NBEA: variants seen among roughly 807,000 people sequenced by gnomAD.
NBEA encodes the protein lysosomal-trafficking regulator 2.
In NBEA, 44 loss-of-function variants were observed where a neutral mutation model predicts 343.4. The observed-to-expected ratio is 0.13, with a 90% CI of 0.10 to 0.16. The LOEUF (loss-of-function observed/expected upper bound fraction) is 0.16, where lower values mean the gene tolerates loss of function less well. NBEA is among the 10% of genes least tolerant of loss of function. NBEA has a pLI of 1.00. For synonymous variants in NBEA, 1,175 were observed against 1,238.7 expected (o/e 0.95, Z 1.08); for missense variants, 2,555 against 3,631.3 (o/e 0.70, Z 7.62).
chr13:35,537,213 T>A (rs2078600280), intron 41 of NBEA, among the ~76,000 whole-genome samples: 1 of 152,160 alleles, frequency 6.6e-6, no homozygotes, highest in Non-Finnish European at 1.5e-5. Flanking sequence ...TCTGTCTCCC[T>A]CAATCATAGA....
At chr13:35,426,888 A>AT (rs1433505813) in intron 38 of NBEA, among the ~76,000 whole-genome samples, 2 of 151,836 alleles carry the variant, frequency 1.3e-5, no homozygotes, top group African/African-American at 4.8e-5. Flanking sequence ...CATTTCATTC[A>AT]TTTTATCTTC....
chr13:35,478,687 G>T (rs1476834591), intron 41 of NBEA, among the ~76,000 whole-genome samples: 1 of 152,324 alleles, frequency 6.6e-6, no homozygotes, highest in Admixed American at 6.5e-5. Context: ...CCCTCAGCCT[G>T]CACCGCCCAC....
rs761704798 is a variant in NBEA at position 35,668,427 on chromosome 13, A to G, written c.8721A>G (p.Val2907=). 23 of 1,613,458 alleles carry G rather than the reference A, an allele frequency of 1.4e-5. No individual in the cohort carries two copies. The South Asian group carries it at 2.5e-4, about 18-fold the overall frequency. Residue 2907 remains valine, a synonymous_variant, in exon 58 of 59, where the codon GTA becomes GTG. Coordinates refer to ENST00000379939, the MANE Select transcript of NBEA (RefSeq NM_001385012.1). ...TCACCGGAGGGGACAATGGGGTAGT[A>G]GAGGTCTGGCAGGCCTGTGACTTCA... ...NLVTGGDNGV[V]EVWQACDFKQ...
chr13:35,356,273 G>A (rs2040486343), intron 38 of NBEA, among the ~76,000 whole-genome samples: 1 of 152,080 alleles, frequency 6.6e-6, no homozygotes, highest in South Asian at 2.1e-4. Flanking sequence ...TAAAACAGGT[G>A]TTCACAAATC....
At chr13:34,992,234 GTGTGTATATA>G (rs2060782404) in intron 1 of NBEA, among the ~76,000 whole-genome samples, 1 of 110,258 alleles carries the variant, frequency 9.1e-6, no homozygotes, top group African/African-American at 3.1e-5. Flanking sequence ...GTGTGTGTGT[GTGTGTATATA>G]TATATATATA....
chr13:35,444,083 T>G (rs1156613387), intron 39 of NBEA, among the ~76,000 whole-genome samples: 1 of 151,978 alleles, frequency 6.6e-6, no homozygotes, highest in African/African-American at 2.4e-5. Flanking sequence ...TACTTTTATC[T>G]CACAGATACA....
At chr13:35,641,924 GAATA>G (rs1352805210) in intron 49 of NBEA, among the ~76,000 whole-genome samples, 6 of 151,948 alleles carry the variant, frequency 3.9e-5, no homozygotes, top group Admixed American at 6.6e-5. Context: ...TGAGTAATTT[GAATA>G]AATAAATAAA....
At chr13:35,635,279 C>T (rs989098241) in intron 49 of NBEA, among the ~76,000 whole-genome samples, 6 of 152,104 alleles carry the variant, frequency 3.9e-5, no homozygotes, top group African/African-American at 1.4e-4. Context: ...ACCACCTGCC[C>T]GATCTGCGTG....
chr13:34,964,696 T>TTTGC (rs1362930125), intron 1 of NBEA, among the ~76,000 whole-genome samples: 1 of 152,046 alleles, frequency 6.6e-6, no homozygotes, highest in East Asian at 1.9e-4. Context: ...CTATTTGTGT[T>TTTGC]TTGCTAAGTG....
intron 38 of NBEA, among the ~76,000 whole-genome samples, chr13:35,365,599 T>C (rs959371527): frequency 1.3e-5 from 2 of 151,710 alleles, no homozygotes; most frequent in South Asian, 2.1e-4. Flanking sequence ...GGAACATTAT[T>C]AGGCTAGTGA....
Position 35,142,250 on chromosome 13 carries a change from T to C in NBEA, c.2337-19T>C, listed in dbSNP as rs1324526405. 1 of 1,547,054 alleles carries C rather than the reference T, an allele frequency of 6.5e-7. No homozygotes were observed. The highest frequency in any genetic ancestry group is 8.9e-7 in the Non-Finnish European group (1 of 1,122,426). On this transcript the variant is annotated intron_variant, in intron 17 of 58. Coordinates refer to ENST00000379939, the MANE Select transcript of NBEA (RefSeq NM_001385012.1). ...TCCAATGTGTTTCATGGTGTTTTAT[T>C]TTTCCTCCTTCTCTCCAGGAGAAAA... is the stretch of plus-strand genomic sequence containing the variant.
chr13:35,539,194 A>G (rs1432541470), intron 41 of NBEA, among the ~76,000 whole-genome samples: 1 of 152,208 alleles, frequency 6.6e-6, no homozygotes, highest in Non-Finnish European at 1.5e-5. Flanking sequence ...GGAGACACCA[A>G]GAAGTCAACC....
At chr13:35,154,776 T>C (rs1211097096) in intron 18 of NBEA, among the ~76,000 whole-genome samples, 1 of 152,158 alleles carries the variant, frequency 6.6e-6, no homozygotes, top group African/African-American at 2.4e-5. Flanking sequence ...TTTAAAAAAC[T>C]CATTAGTAAA....
chr13:35,291,626 T>C (rs1424582044), intron 35 of NBEA, among the ~76,000 whole-genome samples: 11 of 151,958 alleles, frequency 7.2e-5, no homozygotes, highest in Non-Finnish European at 1.6e-4. Context: ...TGCACAGTTC[T>C]GTAAAATGCG....
chr13:35,118,421 G>T lies in NBEA; in HGVS notation c.2190G>T (p.Met730Ile). Reference protein sequence around the residue: ...HDVLQLLVALMSEHPASMIPA... With the variant: ...HDVLQLLVALISEHPASMIPA... Reference sequence around the variant, plus strand: ...TGCTACAGTTACTGGTGGCTTTAATGTCGGAACACCCAGCCTCAATGATAC... The same window carrying T: ...TGCTACAGTTACTGGTGGCTTTAATTTCGGAACACCCAGCCTCAATGATAC... The change falls in exon 16 of 59, where the codon ATG becomes ATT. Residue 730 changes from methionine (M) to isoleucine (I), a missense_variant. Physicochemically the swap from Met to Ile is conservative, Grantham distance 10. Transcript: ENST00000379939. 6.2e-7 allele frequency: 1 copy of T among 1,607,420 alleles called. No individual in the cohort carries two copies. Among genetic ancestry groups the T allele is most frequent in the Non-Finnish European group, 8.5e-7 (1 of 1,177,416 alleles).
chr13:35,249,918 CAT>C (rs1430021729), intron 34 of NBEA, among the ~76,000 whole-genome samples: 1 of 152,170 alleles, frequency 6.6e-6, no homozygotes, highest in Admixed American at 6.5e-5. Context: ...AGTTCTGACA[CAT>C]GTTGCCACAT....
chr13:35,057,783 T>C (rs2063324177), intron 7 of NBEA, among the ~76,000 whole-genome samples: 1 of 152,114 alleles, frequency 6.6e-6, no homozygotes, highest in African/African-American at 2.4e-5. Context: ...TTATTTGTAA[T>C]AGTGCCCTAA....
intron 35 of NBEA, among the ~76,000 whole-genome samples, chr13:35,305,440 C>T (rs540292040): frequency 6.6e-6 from 1 of 151,840 alleles, no homozygotes; most frequent in Non-Finnish European, 1.5e-5. Context: ...AAGTTCTTTC[C>T]GTCTTATTGA....
intron 41 of NBEA, chr13:35,475,702 C>T (rs1461807823): frequency 2.5e-6 from 4 of 1,613,652 alleles, no homozygotes; most frequent in African/African-American, 1.3e-5. Flanking sequence ...TACCACATCC[C>T]GGTAGCTACA....
Sources: allele counts gnomAD v4.1 joint callset (sites outside exome capture counted in the v4.1 genomes callset), GRCh38; gene constraint gnomAD v4.1.1; transcripts MANE v1.5; gene names NCBI Gene and HGNC (gene_info 2026-07-23, HGNC 2026-07-21).